Variants in ARHGAP42 observed in about 807,000 individuals in gnomAD.
ARHGAP42 encodes the protein Rho GTPase activating protein 42, also known as rho GTPase-activating protein 42.
Under a neutral mutation model 125.0 loss-of-function variants are expected in ARHGAP42, and 63 were observed. The ratio of observed to expected loss-of-function variants is 0.50; its 90% CI spans 0.41 to 0.62. ARHGAP42 has a LOEUF of 0.62. Among genes scored for constraint, ARHGAP42 ranks in the 20% least tolerant of loss-of-function variants. The pLI is 0.00. For missense variants in ARHGAP42, 766 were observed against 1,024.2 expected (o/e 0.75, Z 3.44); for synonymous variants, 339 against 351.0 (o/e 0.97, Z 0.38).
At chr11:100,960,520 TTC>T (rs1227707523) in intron 13 of ARHGAP42, among the ~76,000 whole-genome samples, 6 of 152,190 alleles carry the variant, frequency 3.9e-5, no homozygotes, top group African/African-American at 1.4e-4. Context: ...TTTCCTTGAA[TTC>T]TCTGAATCTG....
intron 1 of ARHGAP42, among the ~76,000 whole-genome samples, chr11:100,700,200 A>C (rs1323558688): frequency 6.6e-6 from 1 of 152,224 alleles, no homozygotes; most frequent in African/African-American, 2.4e-5. Context: ...GTGTTTAAAA[A>C]ATGTGCAGAC....
chr11:100,718,417 T>G (rs1467421462), intron 1 of ARHGAP42, among the ~76,000 whole-genome samples: 1 of 152,212 alleles, frequency 6.6e-6, no homozygotes, highest in Non-Finnish European at 1.5e-5. Context: ...TGTCTTTTAA[T>G]TTTGTTCTAT....
intron 4 of ARHGAP42, among the ~76,000 whole-genome samples, chr11:100,874,523 G>GT (rs1274606087): frequency 3.3e-5 from 5 of 152,138 alleles, no homozygotes; most frequent in Non-Finnish European, 5.9e-5. Context: ...GATCGCAAAG[G>GT]TCTTTGACTG....
At chr11:100,853,140 T>A (rs1305466907) in intron 3 of ARHGAP42, among the ~76,000 whole-genome samples, 1 of 152,222 alleles carries the variant, frequency 6.6e-6, no homozygotes, top group Non-Finnish European at 1.5e-5. Context: ...ATCAAAAAAG[T>A]ATTTTTTTAA....
intron 9 of ARHGAP42, 59 bp downstream of exon 9, chr11:100,941,943 T>C (rs1226882163): frequency 8.1e-7 from 1 of 1,227,758 alleles, no homozygotes; most frequent in East Asian, 2.6e-5. Flanking sequence ...AGTAATGGAA[T>C]TAAAACAAAA....
Position 100,769,712 on chromosome 11 carries a change from C to CT in ARHGAP42, c.155-600dup, listed in dbSNP as rs140626690. Among the ~76,000 whole-genome samples the CT allele has an allele frequency of 8.3e-3, 650 of 78,062 alleles. 18 individuals carry two copies. Among genetic ancestry groups the CT allele is most frequent in the Middle Eastern group, 0.02 (2 of 102 alleles). 51.2% of individuals were successfully genotyped at this position (78,062 alleles called of 152,430 possible). A position where few individuals can be genotyped will look rare whatever the true frequency, so the allele number is the denominator to read the frequency against. On this transcript the variant is annotated intron_variant, in intron 1 of 23. Transcript: ENST00000298815. ...ACCAGCAAGCTCAGTAGCATTCCTT[C>CT]TTTTTTTTTTTTTTTTTTTTTTTTT...
intron 4 of ARHGAP42, among the ~76,000 whole-genome samples, chr11:100,907,864 C>T (rs1450501373): frequency 6.6e-6 from 1 of 152,046 alleles, no homozygotes; most frequent in Non-Finnish European, 1.5e-5. Context: ...TATAAGAATT[C>T]CTCATGTTTT....
At chr11:100,745,412 A>C (rs552888633) in intron 1 of ARHGAP42, among the ~76,000 whole-genome samples, 1 of 152,292 alleles carries the variant, frequency 6.6e-6, no homozygotes, top group Non-Finnish European at 1.5e-5. Context: ...TGCCGTTTTT[A>C]TGAGCCTCTG....
At chr11:100,777,133 C>A (rs1363834186) in intron 2 of ARHGAP42, among the ~76,000 whole-genome samples, 1 of 152,126 alleles carries the variant, frequency 6.6e-6, no homozygotes, top group Non-Finnish European at 1.5e-5. Flanking sequence ...GCTGAGGTGC[C>A]CTGACATTTT....
chr11:100,787,453 T>C (rs187877850), intron 2 of ARHGAP42, among the ~76,000 whole-genome samples: 2 of 152,312 alleles, frequency 1.3e-5, no homozygotes, highest in African/African-American at 2.4e-5. Flanking sequence ...CCCAGTCTCA[T>C]GTAGTTCTTT....
At chr11:100,962,508 G>T in intron 16 of ARHGAP42, 41 bp downstream of exon 16, 1 of 1,460,120 alleles carries the variant, frequency 6.8e-7, no homozygotes, top group Non-Finnish European at 9.4e-7. Flanking sequence ...AATTGATGTA[G>T]TTTTATGCTG....
At chr11:100,801,177 G>A (rs576180007) in intron 3 of ARHGAP42, among the ~76,000 whole-genome samples, 4 of 152,222 alleles carry the variant, frequency 2.6e-5, no homozygotes, top group South Asian at 2.1e-4. Flanking sequence ...CAACCTGTAT[G>A]TATAGATGGT....
chr11:100,926,552 G>T (rs1019569401), intron 6 of ARHGAP42, among the ~76,000 whole-genome samples: 1 of 152,170 alleles, frequency 6.6e-6, no homozygotes, highest in African/African-American at 2.4e-5. Context: ...AAGTATAATA[G>T]CTTAACGAGT....
At position 100,771,918 on chromosome 11, in the gene ARHGAP42, T is replaced by A. The variant is rs552807590; in HGVS notation, c.250+1480T>A. ...CCCGGCTGGAAATCTTAATTGCAGG[T>A]CTTGGGTTGCGTGTAAGATTCACAT... On this transcript the variant is annotated intron_variant, in intron 2 of 23. Transcript: ENST00000298815. 1.1e-4 allele frequency among the ~76,000 whole-genome samples: 17 copies of A among 152,168 alleles called. No individual in the cohort carries two copies. In the South Asian group the frequency reaches 1.7e-3, roughly 15 times the overall value.
chr11:100,708,935 T>C (rs979612854), intron 1 of ARHGAP42, among the ~76,000 whole-genome samples: 2 of 152,244 alleles, frequency 1.3e-5, no homozygotes, highest in Non-Finnish European at 2.9e-5. Flanking sequence ...TATAACAATG[T>C]ACTGTAATTA....
intron 22 of ARHGAP42, among the ~76,000 whole-genome samples, chr11:100,982,389 A>C (rs1591339590): frequency 6.6e-6 from 1 of 152,290 alleles, no homozygotes; most frequent in East Asian, 1.9e-4. Context: ...AGGCCTCGGG[A>C]AGCTGCATTT....
At chr11:100,723,870 A>G (rs574790011) in intron 1 of ARHGAP42, among the ~76,000 whole-genome samples, 3 of 152,298 alleles carry the variant, frequency 2.0e-5, no homozygotes, top group East Asian at 1.9e-4. Context: ...TCACTATTCA[A>G]TATGACATTA....
intron 1 of ARHGAP42, among the ~76,000 whole-genome samples, chr11:100,728,167 A>G (rs1388794984): frequency 6.6e-6 from 1 of 152,096 alleles, no homozygotes; most frequent in Non-Finnish European, 1.5e-5. Context: ...GTTCCCTCCT[A>G]AGAAGAAAGA....
At position 100,913,081 on chromosome 11, in the gene ARHGAP42, T is replaced by G. The variant is rs373346634; in HGVS notation, c.385-371T>G. ...AAAAGACATTTTTCTCTTGGTCACA[T>G]CTCAGACCCACTGGATCAGAATCTA... is the stretch of plus-strand genomic sequence containing the variant. On this transcript the variant is annotated intron_variant, in intron 4 of 23. Transcript: ENST00000298815. Among the ~76,000 whole-genome samples the G allele has an allele frequency of 5.9e-5, 9 of 152,216 alleles. No individual in the cohort carries two copies. The South Asian group carries it at 1.5e-3, about 25-fold the overall frequency.
Sources: allele counts gnomAD v4.1 joint callset (sites outside exome capture counted in the v4.1 genomes callset), GRCh38; gene constraint gnomAD v4.1.1; transcripts MANE v1.5; gene names NCBI Gene and HGNC (gene_info 2026-07-23, HGNC 2026-07-21).